Variants in TRRAP observed in about 807,000 individuals in gnomAD.
TRRAP encodes the protein transformation/transcription domain associated protein.
Under a neutral mutation model 438.8 loss-of-function variants are expected in TRRAP, and 41 were observed. The observed-to-expected ratio is 0.09, with a 90% CI of 0.07 to 0.12. The LOEUF is 0.12. Ranked by LOEUF, TRRAP falls within the 10% of genes least tolerant of loss-of-function variation. The probability of loss-of-function intolerance (pLI) is 1.00; values close to 1 mark genes in which losing one functional copy is unlikely to be tolerated. For missense variants in TRRAP, 3,122 were observed against 5,055.1 expected, an observed-to-expected ratio of 0.62 and a Z score of 11.60; for synonymous variants, 1,994 against 1,962.9, an observed-to-expected ratio of 1.02 and a Z score of -0.42.
At chr7:98,941,569 T>C (rs548149312) in intron 30 of TRRAP, among the ~76,000 whole-genome samples, 15 of 152,340 alleles carry the variant, frequency 9.8e-5, no homozygotes, top group African/African-American at 3.4e-4. Flanking sequence ...AGAATGGTGA[T>C]GTGGCTGGCT....
chr7:98,935,281 C>T (rs1554413958), intron 27 of TRRAP, among the ~76,000 whole-genome samples: 3 of 151,984 alleles, frequency 2.0e-5, no homozygotes, highest in Admixed American at 2.0e-4. Flanking sequence ...TAAAGTAACC[C>T]CCTGTTTTGA....
chr7:99,001,308 T>A (rs1360969617), intron 67 of TRRAP, among the ~76,000 whole-genome samples: 1 of 152,224 alleles, frequency 6.6e-6, no homozygotes, highest in African/African-American at 2.4e-5. Flanking sequence ...GTCCTCCCCG[T>A]CTATACGTGA....
rs1173284666 is a variant in TRRAP at position 98,971,734 on chromosome 7, G to A, written c.7693-65G>A. Reference sequence around the variant, plus strand: ...AATTGTAACAAGAAGCCTACAGGAGGTGTGTTTGTTGGGTTTTCTTGAAGC... The same window carrying A: ...AATTGTAACAAGAAGCCTACAGGAGATGTGTTTGTTGGGTTTTCTTGAAGC... On this transcript the variant is annotated intron_variant, in intron 52 of 72. Coordinates refer to ENST00000456197, the MANE Select transcript of TRRAP (RefSeq NM_001375524.1). 1.1e-5 allele frequency: 17 copies of A among 1,558,090 alleles called. No homozygotes were observed. The East Asian group carries it at 2.3e-4, about 21-fold the overall frequency.
At chr7:98,887,332 G>T (rs1795759005) in intron 3 of TRRAP, among the ~76,000 whole-genome samples, 1 of 152,180 alleles carries the variant, frequency 6.6e-6, no homozygotes, top group Admixed American at 6.5e-5. Flanking sequence ...AGTTAGTTCA[G>T]TGTTGCAGCA....
At chr7:98,975,527 A>T (rs1792615078) in intron 53 of TRRAP, among the ~76,000 whole-genome samples, 1 of 152,226 alleles carries the variant, frequency 6.6e-6, no homozygotes, top group South Asian at 2.1e-4. Context: ...GGGATGAGAT[A>T]AACACAACTG....
In TRRAP at chr7:98,949,791, C is replaced by T. The variant is rs782142040; in HGVS notation, c.5085C>T (p.Thr1695=). The change falls in exon 37 of 73, where the codon ACC becomes ACT. Residue 1695 remains threonine, a synonymous_variant. Transcript: ENST00000456197. The part of the protein sequence containing the change: ...ERHRKENMAA[T]NWKEPKLLAY... ...ACCGCAAGGAGAACATGGCAGCCAC[C>T]AACTGGAAGGAGCCCAAGCTGCTGG... 1 of 1,613,794 alleles carries T rather than the reference C, an allele frequency of 6.2e-7. No homozygotes were observed. Among genetic ancestry groups the T allele is most frequent in the South Asian group, 1.1e-5 (1 of 91,088 alleles).
At position 98,948,241 on chromosome 7, in the gene TRRAP, A is replaced by T; in HGVS notation, c.4569A>T (p.Ala1523=). Residue 1523 remains alanine, a synonymous_variant, in exon 34 of 73, where the codon GCA becomes GCT. Transcript: ENST00000456197. The surrounding 1 kb of genome is among the most constrained non-coding windows in gnomAD (Gnocchi z 4.9). ...ATCAGGAAATGAAGATTTGCTCAGC[A>T]ATTATAAACCTTTTTCATCTGATCC... is the stretch of plus-strand genomic sequence containing the variant. ...EGVEEMKICS[A]IINLFHLIPA... 6.2e-7 allele frequency: 1 copy of T among 1,614,200 alleles called. No homozygotes were observed. Among genetic ancestry groups the T allele is most frequent in the Non-Finnish European group, 8.5e-7 (1 of 1,180,040 alleles).
intron 5 of TRRAP, among the ~76,000 whole-genome samples, chr7:98,893,037 C>T (rs950881876): frequency 4.6e-5 from 7 of 152,134 alleles, no homozygotes; most frequent in African/African-American, 1.4e-4. Flanking sequence ...CTGCATCCTC[C>T]ACCTCCTGGG....
chr7:98,964,182 A>G (rs2116678433), intron 47 of TRRAP, among the ~76,000 whole-genome samples: 1 of 151,980 alleles, frequency 6.6e-6, no homozygotes. Flanking sequence ...CTGTTCTAGT[A>G]TTGGCTTTGC....
rs77699268 is a variant in TRRAP at position 99,011,635 on chromosome 7, T to G, written c.11337+100T>G. On this transcript the variant is annotated intron_variant, in intron 72 of 72. Coordinates refer to ENST00000456197, the MANE Select transcript of TRRAP (RefSeq NM_001375524.1). This position sits in a 1 kb window ranked among gnomAD's most constrained non-coding sequence, Gnocchi z 7.1. The stretch of plus-strand genomic sequence containing the variant: ...AGCTGCTGATGTGCCTCACGGGCTC[T>G]GCGCTCTCCACAGTGGCCAGCACCC... The G allele has an allele frequency of 1.9e-3, 2,569 of 1,375,524 alleles. 42 individuals carry two copies. In the African/African-American group the frequency reaches 0.029, roughly 16 times the overall value. 85.2% of individuals were successfully genotyped at this position (1,375,524 alleles called of 1,614,324 possible).
Position 98,917,443 on chromosome 7 carries a change from G to A in TRRAP, c.2386G>A (p.Gly796Ser). 6.2e-7 allele frequency: 1 copy of A among 1,614,154 alleles called. No homozygotes were observed. The highest frequency in any genetic ancestry group is 8.5e-7 in the Non-Finnish European group (1 of 1,180,024). ...CCTAGGGCTGAACATGCTTCAGAGT[G>A]GCCTGCACAAGCAGCACATGAAGGA... ...LLQGLNMLQS[G>S]LHKQHMKDLF... Residue 796 changes from glycine (G) to serine (S), a missense_variant, in exon 20 of 73, where the codon GGC becomes AGC. Physicochemically the swap from Gly to Ser is moderately conservative, Grantham distance 56. Transcript: ENST00000456197.
intron 10 of TRRAP, 54 bp downstream of exon 10, chr7:98,899,821 C>T: frequency 6.4e-7 from 1 of 1,574,074 alleles, no homozygotes; most frequent in Non-Finnish European, 8.7e-7. Flanking sequence ...AGTAAAAATA[C>T]ACTTGCTGTT....
At chr7:98,897,919 T>C (rs1796295169) in intron 8 of TRRAP, 53 bp downstream of exon 8, 1 of 1,604,520 alleles carries the variant, frequency 6.2e-7, no homozygotes, top group Non-Finnish European at 8.5e-7. Flanking sequence ...TTTCGGATAC[T>C]GGCCTGTTAA....
At chr7:98,963,242 T>C (rs1383679790) in intron 47 of TRRAP, among the ~76,000 whole-genome samples, 1 of 152,204 alleles carries the variant, frequency 6.6e-6, no homozygotes, top group Non-Finnish European at 1.5e-5. Context: ...TGCCAGGAGC[T>C]AGGAGAATTT....
chr7:98,976,149 A>G lies in TRRAP; in HGVS notation c.7840A>G (p.Thr2614Ala). ...CAGCCTGTTGTCTTTCTGTTCATAG[A>G]CTGGAGCGCTGCTCAGCGCTTTCGT... ...KFLDTLREVK[T>A]GALLSAFVQL... The change falls in exon 54 of 73, where the codon ACT (threonine) becomes GCT (alanine). Residue 2614 changes from threonine (T) to alanine (A), a missense_variant and splice_region_variant. By Grantham distance (58) the Thr-to-Ala change is moderately conservative (BLOSUM62 0). Transcript: ENST00000456197. This position sits in a 1 kb window ranked among gnomAD's most constrained non-coding sequence, Gnocchi z 4.6. 1 of 1,613,756 alleles carries G rather than the reference A, an allele frequency of 6.2e-7. No homozygotes were observed. Among genetic ancestry groups the G allele is most frequent in the Non-Finnish European group, 8.5e-7 (1 of 1,179,880 alleles).
chr7:98,910,217 T>TTCCCCCCCCCCC lies in TRRAP; in HGVS notation c.1512_1513insTCCCCCCCCCCC (p.Pro504_Ala505insSerProProPro). 2 of 1,045,586 alleles carry TTCCCCCCCCCCC rather than the reference T, an allele frequency of 1.9e-6. No homozygotes were observed. Among genetic ancestry groups the TTCCCCCCCCCCC allele is most frequent in the Non-Finnish European group, 2.5e-6 (2 of 806,028 alleles). 64.8% of individuals were successfully genotyped at this position (1,045,586 alleles called of 1,614,324 possible). ...CTGCTCCCTCCCCAGCCCCTGTCCCTGCCCCACCTCCACCCCCGCCCCCAC... is the reference window on the plus strand; with the variant it reads ...CTGCTCCCTCCCCAGCCCCTGTCCCTTCCCCCCCCCCCGCCCCACCTCCACCCCCGCCCCCAC... On this transcript the variant is annotated inframe_insertion, in exon 15 of 73. Transcript: ENST00000456197.
chr7:98,915,675 A>T lies in TRRAP; in HGVS notation c.2200-48A>T, dbSNP rs781942038. ...ACACTTTAGAGTCTGGAGGGTATAG[A>T]CCCTCCTCATTTAGATGCCACTAAT... On this transcript the variant is annotated intron_variant, in intron 18 of 72. Transcript: ENST00000456197. The T allele has an allele frequency of 2.5e-6, 4 of 1,593,938 alleles. No homozygotes were observed. The East Asian group carries it at 6.7e-5, about 27-fold the overall frequency.
Position 98,900,648 on chromosome 7 carries a change from G to A in TRRAP, c.825G>A (p.Glu275=). 1.2e-6 allele frequency: 2 copies of A among 1,612,910 alleles called. No homozygotes were observed. The highest frequency in any genetic ancestry group is 1.7e-6 in the Non-Finnish European group (2 of 1,179,818). The change falls in exon 11 of 73, where the codon GAG becomes GAA. Residue 275 remains glutamate (E), a synonymous_variant. Coordinates refer to ENST00000456197, the MANE Select transcript of TRRAP (RefSeq NM_001375524.1). ...GGCAACATAAGCTTTACAACAAGGAGTTGTATGCTGACTTCATTGCTGCTC... is the reference window on the plus strand; with the variant it reads ...GGCAACATAAGCTTTACAACAAGGAATTGTATGCTGACTTCATTGCTGCTC... ...QARQHKLYNK[E]LYADFIAAQI...
chr7:98,930,918 G>GCT, intron 25 of TRRAP, 88 bp downstream of exon 25: 1 of 1,505,938 alleles, frequency 6.6e-7, no homozygotes, highest in South Asian at 1.2e-5. Flanking sequence ...CTGCAAATAT[G>GCT]CTCTCCTAGC....
Sources: allele counts gnomAD v4.1 joint callset (sites outside exome capture counted in the v4.1 genomes callset), GRCh38; gene constraint gnomAD v4.1.1; non-coding constraint Gnocchi (gnomAD v3.1); transcripts MANE v1.5; gene names NCBI Gene and HGNC (gene_info 2026-07-23, HGNC 2026-07-21).